ARL10: variants seen among roughly 807,000 people sequenced by gnomAD.
ARL10 encodes ADP-ribosylation factor-like protein 10.
Under a neutral mutation model 26.1 loss-of-function variants are expected in ARL10, and 23 were observed. That is an observed-to-expected ratio of 0.88 (90% CI 0.63 to 1.25). The LOEUF (loss-of-function observed/expected upper bound fraction) is 1.25, where lower values mean the gene tolerates loss of function less well. Ranked by LOEUF, ARL10 falls within the 50% of genes most tolerant of loss-of-function variation. The probability of loss-of-function intolerance (pLI) is 0.00; values close to 1 mark genes in which losing one functional copy is unlikely to be tolerated. For synonymous variants in ARL10, 138 were observed against 149.1 expected (o/e 0.93, Z 0.54); for missense variants, 300 against 323.6 (o/e 0.93, Z 0.56).
intron 1 of ARL10, 126 bp from the exon 2 acceptor site, chr5:176,366,254 A>G: frequency 1.7e-6 from 2 of 1,179,942 alleles, no homozygotes; most frequent in South Asian, 1.5e-5. Flanking sequence ...CCACTCATCC[A>G]GACCATGCCT....
At chr5:176,413,759 G>T in the ARL10 span, among the ~76,000 whole-genome samples, 3 of 152,200 alleles carry the variant, frequency 2.0e-5, no homozygotes, top group Admixed American at 1.3e-4. Context: ...GAGAAGGTCA[G>T]ATCAATTCTA....
At chr5:176,370,193 G>A (rs1439356835) in intron 3 of ARL10, among the ~76,000 whole-genome samples, 1 of 152,170 alleles carries the variant, frequency 6.6e-6, no homozygotes, top group Non-Finnish European at 1.5e-5. Flanking sequence ...CCTCGTGATA[G>A]GCCCTGCTGT....
downstream of ARL10, chr5:176,392,927 G>A (rs149148884): frequency 7.6e-3 from 12,261 of 1,614,114 alleles, 59 homozygotes; most frequent in South Asian, 8.6e-3. This position sits in a 1 kb window ranked among gnomAD's most constrained non-coding sequence, Gnocchi z 5.2. Flanking sequence ...ATTCCTTCAC[G>A]AAAGCCTCCT....
downstream of ARL10, among the ~76,000 whole-genome samples, chr5:176,390,043 G>A (rs775760618): frequency 6.6e-6 from 1 of 151,948 alleles, no homozygotes; most frequent in African/African-American, 2.4e-5. Context: ...TTAGCTGGGC[G>A]TGGTGTTGCG....
chr5:176,392,517 T>TA, downstream of ARL10: 1 of 503,332 alleles, frequency 2.0e-6, no homozygotes, highest in Non-Finnish European at 3.6e-6. This position sits in a 1 kb window ranked among gnomAD's most constrained non-coding sequence, Gnocchi z 5.2. Context: ...ACACACCCTT[T>TA]AAGCCAAGAA....
At chr5:176,386,577 T>G, downstream of ARL10, 1 of 532,596 alleles carries the variant, frequency 1.9e-6, no homozygotes, top group Non-Finnish European at 3.5e-6. Flanking sequence ...ATTTACTGGT[T>G]TCTCTTCTAT....
At chr5:176,369,112 C>G (rs1245422516) in intron 3 of ARL10, 130 bp downstream of exon 3, 14 of 1,536,726 alleles carry the variant, frequency 9.1e-6, no homozygotes, top group Non-Finnish European at 1.0e-5. Context: ...CCTCTTCTAC[C>G]TATGCCCTGT....
chr5:176,393,940 G>A lies in ARL10; in HGVS notation c.134-7801G>A, dbSNP rs1338929093. ...GGAAGCCCCCTCTCCATCTCAAGCA[G>A]GACCAGTTCTGCCGATGCCAGACAT... is the stretch of plus-strand genomic sequence containing the variant. On this transcript the variant is annotated intron_variant, in intron 1 of 1. Coordinates refer to the ARL10 transcript ENST00000514533. The surrounding 1 kb of genome is among the most constrained non-coding windows in gnomAD (Gnocchi z 4.4). Among the ~76,000 whole-genome samples, 1 of 152,186 alleles carries A rather than the reference G, an allele frequency of 6.6e-6. No individual in the cohort carries two copies. The highest frequency in any genetic ancestry group is 1.5e-5 in the Non-Finnish European group (1 of 68,036).
chr5:176,412,074 G>A, the ARL10 span, among the ~76,000 whole-genome samples: 4 of 151,750 alleles, frequency 2.6e-5, no homozygotes, highest in East Asian at 1.9e-4. Context: ...CACTCGGGAG[G>A]CTGAGGCAGG....
chr5:176,392,033 C>G (rs962165399), downstream of ARL10, among the ~76,000 whole-genome samples: 4 of 152,090 alleles, frequency 2.6e-5, no homozygotes, highest in Non-Finnish European at 5.9e-5. This position sits in a 1 kb window ranked among gnomAD's most constrained non-coding sequence, Gnocchi z 5.2. Flanking sequence ...CAAGATGAGC[C>G]CAGTTGAAGG....
downstream of ARL10, among the ~76,000 whole-genome samples, chr5:176,402,095 G>C (rs1315757487): frequency 6.6e-6 from 1 of 152,120 alleles, no homozygotes; most frequent in Non-Finnish European, 1.5e-5. Context: ...CTGAGCTCAG[G>C]AGTTCGAGAC....
At chr5:176,370,552 C>T (rs771258668) in intron 3 of ARL10, among the ~76,000 whole-genome samples, 5 of 152,198 alleles carry the variant, frequency 3.3e-5, no homozygotes, top group Admixed American at 6.5e-5. Flanking sequence ...AATAGGGTGA[C>T]TGTATGTCCT....
At chr5:176,407,259 C>T in the ARL10 span, among the ~76,000 whole-genome samples, 1 of 152,136 alleles carries the variant, frequency 6.6e-6, no homozygotes, top group Non-Finnish European at 1.5e-5. Context: ...CTCTGAGCTT[C>T]GTGATGCTAA....
At chr5:176,383,977 A>AT (rs1755623162), downstream of ARL10, 1 of 1,531,418 alleles carries the variant, frequency 6.5e-7, no homozygotes, top group Middle Eastern at 1.7e-4. Context: ...TGTACACACT[A>AT]TATTTACATC....
rs1768665231 is a variant in ARL10 at position 176,375,285 on chromosome 5, C to T, written c.*3390C>T. ...CCACCCATCCACCCATCCATCCATC[C>T]ACCCATCCATCCATCCATCCATCCA... On this transcript the variant is annotated 3_prime_UTR_variant, in exon 4 of 4. Coordinates refer to ENST00000310389, the MANE Select transcript of ARL10 (RefSeq NM_173664.6). 3.9e-5 allele frequency: 2 copies of T among 50,764 alleles called. No homozygotes were observed. Among genetic ancestry groups the T allele is most frequent in the East Asian group, 5.0e-4 (1 of 1,990 alleles). The allele number at this position is 50,764 out of a possible 1,614,324, so 3.1% of individuals were successfully genotyped here.
At chr5:176,399,408 G>A (rs1442412105) in intron 1 of ARL10, among the ~76,000 whole-genome samples, 2 of 152,162 alleles carry the variant, frequency 1.3e-5, no homozygotes, top group African/African-American at 4.8e-5. Flanking sequence ...TGTAAGGCCT[G>A]GGAGAAATTG....
intron 3 of ARL10, among the ~76,000 whole-genome samples, chr5:176,369,414 G>T (rs1768453403): frequency 6.6e-6 from 1 of 151,970 alleles, no homozygotes; most frequent in South Asian, 2.1e-4. Context: ...TGTATTTTTA[G>T]TAGAGGTGGA....
rs1294569218 is a variant in ARL10 at position 176,379,707 on chromosome 5, C to T, written c.*7812C>T. 6.6e-6 allele frequency: 1 copy of T among 152,142 alleles called. No homozygotes were observed. The highest frequency in any genetic ancestry group is 1.5e-5 in the Non-Finnish European group (1 of 68,028). The allele number at this position is 152,142 out of a possible 1,614,324, so 9.4% of individuals were successfully genotyped here. ...GAAACCGGTTCATCTTTCTTTTGCCCACAAGATTATGTGATTGACCAATCA... is the reference window on the plus strand; with the variant it reads ...GAAACCGGTTCATCTTTCTTTTGCCTACAAGATTATGTGATTGACCAATCA... On this transcript the variant is annotated 3_prime_UTR_variant, in exon 4 of 4. Transcript: ENST00000310389.
At chr5:176,390,865 G>A (rs1756245286), downstream of ARL10, among the ~76,000 whole-genome samples, 3 of 152,192 alleles carry the variant, frequency 2.0e-5, no homozygotes. Context: ...TAGTGTTTGA[G>A]GGTTCTGGAA....
Sources: gnomAD v4.1 joint callset for allele counts (sites outside exome capture counted in the v4.1 genomes callset) on GRCh38, gnomAD v4.1.1 for gene constraint, Gnocchi (gnomAD v3.1) non-coding constraint, MANE v1.5 for transcripts, NCBI Gene and HGNC (gene_info 2026-07-23, HGNC 2026-07-21) for gene names.